Variants in AP3B1 observed in about 807,000 individuals in gnomAD.
AP3B1 encodes the protein adaptor related protein complex 3 subunit beta 1.
A neutral mutation model predicts 132.5 loss-of-function variants in AP3B1; 61 were observed. The ratio of observed to expected loss-of-function variants is 0.46; its 90% CI spans 0.37 to 0.57. The LOEUF (loss-of-function observed/expected upper bound fraction) is 0.57. Ranked by LOEUF, AP3B1 falls within the 20% of genes least tolerant of loss-of-function variation. The pLI, the probability that AP3B1 is intolerant of heterozygous loss-of-function variation, is 0.00. For missense variants in AP3B1, 1,120 were observed against 1,289.4 expected, an observed-to-expected ratio of 0.87 and a Z score of 2.01; for synonymous variants, 388 against 438.3, an observed-to-expected ratio of 0.89 and a Z score of 1.43.
chr5:78,240,083 G>A (rs772050879), intron 3 of AP3B1, among the ~76,000 whole-genome samples: 7 of 152,128 alleles, frequency 4.6e-5, no homozygotes, highest in Admixed American at 1.3e-4. Context: ...ACACTTGCCC[G>A]TGCAAGAATG....
intron 15 of AP3B1, among the ~76,000 whole-genome samples, chr5:78,140,095 C>T (rs1753081491): frequency 6.6e-6 from 1 of 152,122 alleles, no homozygotes; most frequent in Non-Finnish European, 1.5e-5. Flanking sequence ...ACAGGTAAGT[C>T]CACTCACAGA....
intron 15 of AP3B1, among the ~76,000 whole-genome samples, chr5:78,139,212 C>CA (rs1328950623): frequency 6.6e-6 from 1 of 152,090 alleles, no homozygotes; most frequent in East Asian, 1.9e-4. Context: ...TCTTGATTGA[C>CA]ATTTGATTTT....
intron 6 of AP3B1, among the ~76,000 whole-genome samples, chr5:78,222,843 T>G (rs1302844228): frequency 6.6e-6 from 1 of 152,080 alleles, no homozygotes; most frequent in Admixed American, 6.5e-5. Context: ...TCTAAACTAA[T>G]ATTTAACTCT....
intron 8 of AP3B1, among the ~76,000 whole-genome samples, chr5:78,177,665 A>G (rs949666555): frequency 5.3e-5 from 8 of 152,190 alleles, no homozygotes; most frequent in African/African-American, 1.9e-4. Flanking sequence ...AATTATTAAT[A>G]TAAGAATTGA....
chr5:78,205,001 T>C (rs1280064249), intron 7 of AP3B1, among the ~76,000 whole-genome samples: 1 of 152,140 alleles, frequency 6.6e-6, no homozygotes, highest in East Asian at 1.9e-4. Context: ...TTTACTGATA[T>C]CACTTTCCAT....
At chr5:78,096,437 T>C (rs930149366) in intron 21 of AP3B1, among the ~76,000 whole-genome samples, 3 of 151,636 alleles carry the variant, frequency 2.0e-5, no homozygotes, top group Non-Finnish European at 4.4e-5. Context: ...CGCCACCCCG[T>C]CTAGGAAGTG....
chr5:78,058,431 C>T (rs540127031), intron 22 of AP3B1, among the ~76,000 whole-genome samples: 61 of 151,886 alleles, frequency 4.0e-4, no homozygotes, highest in African/African-American at 1.4e-3. Flanking sequence ...ACCCGGGAGG[C>T]GGAGGTTGCA....
In AP3B1 at chr5:78,002,664, A is replaced by T; in HGVS notation, c.*238T>A. 1 of 609,704 alleles carries T rather than the reference A, an allele frequency of 1.6e-6. No individual in the cohort carries two copies. Among genetic ancestry groups the T allele is most frequent in the Non-Finnish European group, 2.9e-6 (1 of 344,416 alleles). The allele number at this position is 609,704 out of a possible 1,614,324, so 37.8% of individuals were successfully genotyped here. A position where few individuals can be genotyped will look rare whatever the true frequency, so the allele number is the denominator to read the frequency against. ...ACAGAGAAAACGCCACATGGATTCA[A>T]GAGTTGAGACAACTGACAGTAAAAT... On this transcript the variant is annotated 3_prime_UTR_variant, in exon 27 of 27. Coordinates refer to ENST00000255194, the MANE Select transcript of AP3B1 (RefSeq NM_003664.5).
intron 13 of AP3B1, among the ~76,000 whole-genome samples, chr5:78,157,757 T>G (rs944528784): frequency 6.9e-6 from 1 of 144,706 alleles, no homozygotes. Flanking sequence ...GTCCTATTAC[T>G]CTTTTTTTTT....
intron 2 of AP3B1, among the ~76,000 whole-genome samples, chr5:78,265,661 G>GT (rs1411645924): frequency 6.6e-6 from 1 of 152,094 alleles, no homozygotes; most frequent in Non-Finnish European, 1.5e-5. Flanking sequence ...TTTAATGAAT[G>GT]TGAGGTCTTC....
chr5:78,089,278 C>T, intron 22 of AP3B1, 115 bp downstream of exon 22: 1 of 801,892 alleles, frequency 1.2e-6, no homozygotes, highest in Non-Finnish European at 2.1e-6. Context: ...TGGGCTTGTT[C>T]TTAGAGAAGA....
At chr5:78,141,921 G>A (rs1347170576) in intron 14 of AP3B1, among the ~76,000 whole-genome samples, 3 of 152,064 alleles carry the variant, frequency 2.0e-5, no homozygotes, top group Non-Finnish European at 4.4e-5. Flanking sequence ...GAGACAGGTG[G>A]TCCACAAAGC....
chr5:78,290,982 C>A (rs1469435458), intron 1 of AP3B1, among the ~76,000 whole-genome samples: 2 of 151,996 alleles, frequency 1.3e-5, no homozygotes, highest in African/African-American at 4.8e-5. Flanking sequence ...AAAATAAGTT[C>A]TTTACATTTT....
chr5:78,131,405 T>A (rs1238143256), intron 15 of AP3B1, among the ~76,000 whole-genome samples: 3 of 152,022 alleles, frequency 2.0e-5, no homozygotes, highest in African/African-American at 7.2e-5. Flanking sequence ...TTCTGGACAA[T>A]CATGTAATCT....
At chr5:78,278,020 G>A (rs987420822) in intron 1 of AP3B1, among the ~76,000 whole-genome samples, 1 of 152,128 alleles carries the variant, frequency 6.6e-6, no homozygotes, top group African/African-American at 2.4e-5. Context: ...AGGAGATTAG[G>A]AATGTCTTCT....
At chr5:78,229,218 G>A (rs1746527261) in intron 3 of AP3B1, among the ~76,000 whole-genome samples, 1 of 152,176 alleles carries the variant, frequency 6.6e-6, no homozygotes, top group Non-Finnish European at 1.5e-5. Context: ...TTACAGGCAT[G>A]AGCCATTATG....
chr5:78,263,751 T>C (rs1357113012), intron 2 of AP3B1, among the ~76,000 whole-genome samples: 1 of 152,192 alleles, frequency 6.6e-6, no homozygotes, highest in African/African-American at 2.4e-5. Flanking sequence ...ATTGAGATGA[T>C]TGTGAGGGAT....
chr5:78,181,192 A>C (rs1744353044), intron 8 of AP3B1, among the ~76,000 whole-genome samples: 1 of 152,152 alleles, frequency 6.6e-6, no homozygotes, highest in Non-Finnish European at 1.5e-5. Flanking sequence ...TCTTAAGAAA[A>C]GCCAATTAAC....
At chr5:78,177,091 C>T (rs1744175194) in intron 9 of AP3B1, among the ~76,000 whole-genome samples, 1 of 152,162 alleles carries the variant, frequency 6.6e-6, no homozygotes. Flanking sequence ...TAGTGACACT[C>T]TAGTGTTATG....
Sources: allele counts gnomAD v4.1 joint callset (sites outside exome capture counted in the v4.1 genomes callset), GRCh38; gene constraint gnomAD v4.1.1; transcripts MANE v1.5; gene names NCBI Gene and HGNC (gene_info 2026-07-23, HGNC 2026-07-21).